The following FMN1 variants were observed in gnomAD, a reference collection of about 807,000 sequenced individuals.
FMN1 encodes the protein formin-1.
Under a neutral mutation model 132.4 loss-of-function variants are expected in FMN1, and 110 were observed. The ratio of observed to expected loss-of-function variants is 0.83; its 90% CI spans 0.71 to 0.97. The LOEUF is 0.97. Ranked by LOEUF, FMN1 falls within the 50% of genes least tolerant of loss-of-function variation. FMN1 has a pLI of 0.00. For missense variants in FMN1, 1,792 were observed against 1,705.3 expected (o/e 1.05, Z -0.90); for synonymous variants, 722 against 651.7 (o/e 1.11, Z -1.64).
chr15:33,030,863 T>A (rs564199668), intron 6 of FMN1, among the ~76,000 whole-genome samples: 172 of 152,288 alleles, frequency 1.1e-3, no homozygotes, highest in African/African-American at 3.9e-3. Context: ...GGAACACATG[T>A]ACAGAATGTG....
At position 32,769,299 on chromosome 15, in the gene FMN1, T is replaced by G. The variant is rs1345035908; in HGVS notation, c.*5011A>C. Reference sequence around the variant, plus strand: ...CAAATTTGACATGTTAAAACTCTCTTAAATTCATCACTTTCCAACAAAGCA... The same window carrying G: ...CAAATTTGACATGTTAAAACTCTCTGAAATTCATCACTTTCCAACAAAGCA... On this transcript the variant is annotated 3_prime_UTR_variant, in exon 21 of 21. Transcript: ENST00000616417. 3 of 152,228 alleles carry G rather than the reference T, an allele frequency of 2.0e-5. No individual in the cohort carries two copies. Among genetic ancestry groups the G allele is most frequent in the Non-Finnish European group, 4.4e-5 (3 of 68,042 alleles). The allele number at this position is 152,228 out of a possible 1,614,324, so 9.4% of individuals were successfully genotyped here. A position where few individuals can be genotyped will look rare whatever the true frequency, so the allele number is the denominator to read the frequency against.
chr15:32,926,270 A>T lies in FMN1; in HGVS notation c.3139-9T>A. On this transcript the variant is annotated splice_polypyrimidine_tract_variant and intron_variant, in intron 9 of 20. Coordinates refer to ENST00000616417, the MANE Select transcript of FMN1 (RefSeq NM_001277313.2). ...TCCAACAATTTGATGATCTAAAATT[A>T]GAAAAAAAAAAAAAAGAATACAAGC... The T allele has an allele frequency of 1.5e-6, 2 of 1,376,164 alleles. No homozygotes were observed. Among genetic ancestry groups the T allele is most frequent in the Non-Finnish European group, 2.0e-6 (2 of 1,007,696 alleles). The allele number at this position is 1,376,164 out of a possible 1,614,324, so 85.2% of individuals were successfully genotyped here.
intron 6 of FMN1, among the ~76,000 whole-genome samples, chr15:33,028,534 A>AAAAT (rs777115788): frequency 3.1e-5 from 4 of 130,664 alleles, no homozygotes; most frequent in Admixed American, 7.2e-5. Flanking sequence ...AATAAAAATA[A>AAAAT]AAATAAATAA....
intron 4 of FMN1, among the ~76,000 whole-genome samples, chr15:33,102,535 C>CCT (rs2039333839): frequency 2.6e-5 from 4 of 152,038 alleles, no homozygotes; most frequent in Admixed American, 2.6e-4. Flanking sequence ...TTCTTCTTTT[C>CCT]CTCTCTCCCT....
At chr15:32,922,896 G>A (rs773917836) in intron 10 of FMN1, among the ~76,000 whole-genome samples, 39 of 152,276 alleles carry the variant, frequency 2.6e-4, no homozygotes, top group Non-Finnish European at 4.9e-4. Flanking sequence ...TGCATATGCC[G>A]AAACAGAGTG....
At chr15:33,094,098 C>CA (rs2038994834) in intron 4 of FMN1, among the ~76,000 whole-genome samples, 2 of 152,064 alleles carry the variant, frequency 1.3e-5, no homozygotes, top group Non-Finnish European at 2.9e-5. Flanking sequence ...AAGAGAGAAG[C>CA]AGACGTGAAC....
intron 5 of FMN1, among the ~76,000 whole-genome samples, chr15:33,081,712 T>C (rs1483508118): frequency 1.2e-4 from 19 of 152,196 alleles, no homozygotes; most frequent in Admixed American, 4.6e-4. Context: ...TAGACTCAGA[T>C]CTGGGTTTAA....
intron 5 of FMN1, among the ~76,000 whole-genome samples, chr15:33,087,010 G>T (rs2038721660): frequency 6.6e-6 from 1 of 152,200 alleles, no homozygotes; most frequent in Admixed American, 6.5e-5. Flanking sequence ...ATGAGCCGGA[G>T]AACACAAGGT....
intron 17 of FMN1, among the ~76,000 whole-genome samples, chr15:32,840,926 G>C (rs535074486): frequency 1.4e-4 from 22 of 152,288 alleles, no homozygotes; most frequent in African/African-American, 5.3e-4. Flanking sequence ...GTCTTTGAAA[G>C]ATAGACACAG....
chr15:33,070,403 T>TA (rs2037952214), intron 5 of FMN1, among the ~76,000 whole-genome samples: 1 of 142,188 alleles, frequency 7.0e-6, no homozygotes, highest in African/African-American at 2.5e-5. Flanking sequence ...TTTTTTTTTT[T>TA]TATGAACTGA....
chr15:33,154,217 C>T lies in FMN1; in HGVS notation c.698G>A (p.Arg233Lys), dbSNP rs765708228. Residue 233 changes from arginine (R) to lysine (K), a missense_variant, in exon 4 of 21, where the codon AGA becomes AAA. Around this residue, in one of 3 missense-constraint regions of FMN1, gnomAD observed 638 missense variants for 645.2 expected, o/e 0.99. Transcript: ENST00000616417. ...NGALACSLQR[R>K]ESCPPDIPKT... ...GGGAATATCTGGGGGGCAGCTCTCT[C>T]TCCTCTGCAGGGAGCAGGCAAGTGC... 3.6e-5 allele frequency: 55 copies of T among 1,536,176 alleles called. No homozygotes were observed. The East Asian group carries it at 1.3e-3, about 37-fold the overall frequency.
chr15:32,812,659 G>A (rs1262230712), intron 17 of FMN1, among the ~76,000 whole-genome samples: 1 of 152,188 alleles, frequency 6.6e-6, no homozygotes, highest in Non-Finnish European at 1.5e-5. Flanking sequence ...TCATGTCAGT[G>A]CTCAAAAAGT....
chr15:33,029,919 A>T (rs1236104957), intron 6 of FMN1, among the ~76,000 whole-genome samples: 1 of 152,228 alleles, frequency 6.6e-6, no homozygotes, highest in Non-Finnish European at 1.5e-5. Flanking sequence ...GCACTTTCGG[A>T]GACCGAGGCA....
intron 4 of FMN1, among the ~76,000 whole-genome samples, chr15:33,102,478 G>C (rs557387672): frequency 2.0e-5 from 3 of 152,020 alleles, no homozygotes; most frequent in Non-Finnish European, 4.4e-5. Context: ...CCAGTCTTAA[G>C]TCACCCCTAA....
At chr15:32,858,349 T>C (rs1403161064) in intron 16 of FMN1, among the ~76,000 whole-genome samples, 5 of 152,210 alleles carry the variant, frequency 3.3e-5, no homozygotes, top group Admixed American at 1.3e-4. Flanking sequence ...ATTTGCAATA[T>C]TGCCAACTAG....
chr15:32,878,939 C>T (rs1386425166), intron 16 of FMN1, among the ~76,000 whole-genome samples: 4 of 152,184 alleles, frequency 2.6e-5, no homozygotes, highest in Non-Finnish European at 5.9e-5. Flanking sequence ...ATAACTCATC[C>T]TTCCCACCTA....
intron 6 of FMN1, among the ~76,000 whole-genome samples, chr15:33,048,644 A>AAAAC (rs1555388956): frequency 1.2e-5 from 1 of 86,920 alleles, no homozygotes; most frequent in African/African-American, 4.1e-5. Flanking sequence ...AAAAAAAAAA[A>AAAAC]AAAAACCAAC....
At chr15:32,816,762 T>C (rs1419303627) in intron 17 of FMN1, among the ~76,000 whole-genome samples, 1 of 152,184 alleles carries the variant, frequency 6.6e-6, no homozygotes, top group Admixed American at 6.5e-5. Flanking sequence ...AAAACAACCA[T>C]TGTCACGGAT....
At chr15:32,955,408 C>T (rs2061742708) in intron 9 of FMN1, among the ~76,000 whole-genome samples, 1 of 152,150 alleles carries the variant, frequency 6.6e-6, no homozygotes, top group African/African-American at 2.4e-5. Context: ...GGACTTGCAA[C>T]CGAAGTATAC....
Sources: gnomAD v4.1 joint callset for allele counts (sites outside exome capture counted in the v4.1 genomes callset) on GRCh38, gnomAD v4.1.1 for gene constraint, gnomAD v4.1.1 regional missense constraint, MANE v1.5 for transcripts, NCBI Gene and HGNC (gene_info 2026-07-23, HGNC 2026-07-21) for gene names.